Variants in TAB2 observed in about 807,000 individuals in gnomAD.
The protein encoded by TAB2 is TGF-beta-activated kinase 1 and MAP3K7-binding protein 2.
A neutral mutation model predicts 65.0 loss-of-function variants in TAB2; 3 were observed. The observed-to-expected ratio is 0.05, with a 90% CI of 0.02 to 0.12. The LOEUF (loss-of-function observed/expected upper bound fraction) is 0.12, where lower values mean the gene tolerates loss of function less well. Ranked by LOEUF, TAB2 falls within the 10% of genes least tolerant of loss-of-function variation. The pLI is 1.00. For missense variants in TAB2, 623 were observed against 840.3 expected, an observed-to-expected ratio of 0.74 and a Z score of 3.20; for synonymous variants, 298 against 285.1, an observed-to-expected ratio of 1.05 and a Z score of -0.46.
intron 1 of TAB2, among the ~76,000 whole-genome samples, chr6:149,343,463 C>G (rs6910411): frequency 3.4e-5 from 5 of 147,038 alleles, no homozygotes; most frequent in African/African-American, 5.1e-5. Flanking sequence ...CAGAGTGAGA[C>G]TCCGTCTCAA....
chr6:149,341,882 A>G (rs1583104542), intron 1 of TAB2, among the ~76,000 whole-genome samples: 1 of 152,064 alleles, frequency 6.6e-6, no homozygotes, highest in East Asian at 1.9e-4. Flanking sequence ...TTTCTTAGGG[A>G]AATGCCTAAG....
In TAB2 at chr6:149,378,369, G is replaced by T. The variant is rs1781479005; in HGVS notation, c.454G>T (p.Ala152Ser). The T allele has an allele frequency of 1.2e-6, 2 of 1,614,186 alleles. No homozygotes were observed. The highest frequency in any genetic ancestry group is 1.3e-5 in the African/African-American group (1 of 75,036). Residue 152 changes from alanine (A) to serine (S), a missense_variant, in exon 3 of 7, where the codon GCA becomes TCA. By Grantham distance (99) the Ala-to-Ser change is moderately conservative. Transcript: ENST00000637181. ...CAGTTCCTCTGGTGCTTCAAATTCA[G>T]CACCACATCTTGGATTTCACTTAGG... ...MSSSSGASNS[A>S]PHLGFHLGSK...
At chr6:149,391,357 C>T (rs928262379) in intron 3 of TAB2, among the ~76,000 whole-genome samples, 1 of 151,966 alleles carries the variant, frequency 6.6e-6, no homozygotes, top group African/African-American at 2.4e-5. Flanking sequence ...ATTTAGTGGA[C>T]TCCTCCATTT....
At chr6:149,242,671 T>C (rs1261863149) in intron 1 of TAB2, among the ~76,000 whole-genome samples, 1 of 152,222 alleles carries the variant, frequency 6.6e-6, no homozygotes, top group African/African-American at 2.4e-5. Context: ...TCTTCCTTGT[T>C]GGCAGCCCCA....
intron 1 of TAB2, among the ~76,000 whole-genome samples, chr6:149,241,729 A>T (rs1041939793): frequency 3.3e-5 from 5 of 152,218 alleles, no homozygotes; most frequent in African/African-American, 1.2e-4. Flanking sequence ...TTACAGATGA[A>T]ATTGTGATTT....
At chr6:149,390,218 G>T (rs1177537004) in intron 3 of TAB2, among the ~76,000 whole-genome samples, 2 of 152,130 alleles carry the variant, frequency 1.3e-5, no homozygotes, top group African/African-American at 2.4e-5. Context: ...AGCTGACATT[G>T]TACTTTCCTA....
intron 1 of TAB2, among the ~76,000 whole-genome samples, chr6:149,253,492 G>C (rs551755978): frequency 1.1e-4 from 17 of 152,000 alleles, no homozygotes; most frequent in African/African-American, 4.1e-4. Flanking sequence ...TTAGCCGGGC[G>C]TGGTGGCACA....
chr6:149,269,821 C>T (rs1007950307), intron 1 of TAB2, among the ~76,000 whole-genome samples: 1 of 152,150 alleles, frequency 6.6e-6, no homozygotes, highest in African/African-American at 2.4e-5. Flanking sequence ...GAATGTATCA[C>T]ATTTTGTTTA....
chr6:149,313,174 A>AT (rs1230600158), upstream of TAB2, among the ~76,000 whole-genome samples: 2 of 151,622 alleles, frequency 1.3e-5, no homozygotes, highest in Non-Finnish European at 2.9e-5. Context: ...TATTTTATTT[A>AT]TTTTTTTGAG....
intron 6 of TAB2, among the ~76,000 whole-genome samples, chr6:149,403,295 CATATATATATATATATAT>C (rs1190885445): frequency 3.8e-4 from 29 of 76,442 alleles, no homozygotes; most frequent in East Asian, 5.9e-4. Flanking sequence ...CACACACACA[CATATATATATATATATAT>C]ACACACACAT....
intron 1 of TAB2, among the ~76,000 whole-genome samples, chr6:149,355,496 G>A (rs548651849): frequency 3.3e-5 from 5 of 151,834 alleles, no homozygotes; most frequent in South Asian, 4.2e-4. Flanking sequence ...AGAAACCCCC[G>A]TCTCTACTAA....
At chr6:149,390,689 A>T (rs1346357726) in intron 3 of TAB2, among the ~76,000 whole-genome samples, 1 of 152,206 alleles carries the variant, frequency 6.6e-6, no homozygotes, top group African/African-American at 2.4e-5. Context: ...CTGGTGCTTG[A>T]ATTCACTTAG....
intron 1 of TAB2, among the ~76,000 whole-genome samples, chr6:149,236,129 G>A (rs1329876967): frequency 6.6e-6 from 1 of 152,106 alleles, no homozygotes; most frequent in African/African-American, 2.4e-5. Flanking sequence ...TACCTATTGG[G>A]GACAGTGCTC....
intron 1 of TAB2, among the ~76,000 whole-genome samples, chr6:149,293,703 A>G (rs1018551930): frequency 2.0e-5 from 3 of 152,214 alleles, no homozygotes; most frequent in African/African-American, 7.2e-5. Flanking sequence ...CCCTAAATGT[A>G]AGTTTAACAT....
Position 149,397,726 on chromosome 6 carries a change from C to T in TAB2, c.1726C>T (p.Arg576Cys), listed in dbSNP as rs772797083. 3 of 1,613,828 alleles carry T rather than the reference C, an allele frequency of 1.9e-6. No homozygotes were observed. The highest frequency in any genetic ancestry group is 8.5e-7 in the Non-Finnish European group (1 of 1,180,000). ...NEMENNLTRR[R>C]LKRSNSISQI... ...AATGGAAAATAATCTAACTCGAAGG[C>T]GCCTGAAAAGATCAAATTCTATATC... is the stretch of plus-strand genomic sequence containing the variant. The change falls in exon 4 of 7, where the codon CGC (arginine) becomes TGC (cysteine). Residue 576 changes from arginine to cysteine, a missense_variant. By Grantham distance (180) the Arg-to-Cys change is radical (BLOSUM62 -3). Transcript: ENST00000637181.
chr6:149,317,286 C>CG (rs1215560757), upstream of TAB2, among the ~76,000 whole-genome samples: 1 of 152,056 alleles, frequency 6.6e-6, no homozygotes, highest in Admixed American at 6.5e-5. The surrounding 1 kb of genome is among the most constrained non-coding windows in gnomAD (Gnocchi z 4.7). Context: ...CTGCCCGCAC[C>CG]GGCACCCCCC....
intron 1 of TAB2, among the ~76,000 whole-genome samples, chr6:149,331,432 T>G (rs988547934): frequency 3.9e-5 from 6 of 152,158 alleles, no homozygotes; most frequent in Admixed American, 2.0e-4. Flanking sequence ...TTTGCTAAAT[T>G]ATCAGTTTTA....
At chr6:149,253,958 AAAAGAAAGAAAG>A (rs545364740) in intron 1 of TAB2, among the ~76,000 whole-genome samples, 1,377 of 76,190 alleles carry the variant, frequency 0.018, 32 homozygotes, top group African/African-American at 0.029. Context: ...GAAAGAAAGA[AAAAGAAAGAAAG>A]AAAGAAAGAA....
chr6:149,317,432 C>T, upstream of TAB2: 1 of 174,694 alleles, frequency 5.7e-6, no homozygotes, highest in Non-Finnish European at 1.2e-5. This position sits in a 1 kb window ranked among gnomAD's most constrained non-coding sequence, Gnocchi z 4.7. Context: ...CCGCCGCCGC[C>T]GCCGCCTGCT....
Sources: gnomAD v4.1 joint callset for allele counts (sites outside exome capture counted in the v4.1 genomes callset) on GRCh38, gnomAD v4.1.1 for gene constraint, Gnocchi (gnomAD v3.1) non-coding constraint, MANE v1.5 for transcripts, NCBI Gene and HGNC (gene_info 2026-07-23, HGNC 2026-07-21) for gene names.